TRMT9B: variants seen among roughly 807,000 people sequenced by gnomAD.
TRMT9B encodes the protein tRNA methyltransferase 9B (putative), also known as probable tRNA methyltransferase 9B.
A neutral mutation model predicts 11.5 loss-of-function variants in TRMT9B; 16 were observed. The ratio of observed to expected loss-of-function variants is 1.39; its 90% confidence interval spans 0.94 to 2.11. The LOEUF is 2.11. Among genes scored for constraint, TRMT9B ranks in the 30% most tolerant of loss-of-function variants. TRMT9B has a pLI of 0.00. For synonymous variants in TRMT9B, 274 were observed against 192.4 expected, an observed-to-expected ratio of 1.42 and a Z score of -3.51; for missense variants, 941 against 553.8, an observed-to-expected ratio of 1.70 and a Z score of -7.02.
rs539670834 is a variant in TRMT9B, at chr8:13,013,856, G to C, written c.328+999G>C. Among the ~76,000 whole-genome samples, 10 of 152,266 alleles carry C rather than the reference G, an allele frequency of 6.6e-5. No homozygotes were observed. The South Asian group carries it at 2.1e-3, about 32-fold the overall frequency. The stretch of plus-strand genomic sequence containing the variant: ...CCCAGCTACTCAGGAGGCTGAGGCA[G>C]GAGAATCGCTTGAACCTGGAAGGCG... On this transcript the variant is annotated intron_variant, in intron 4 of 4. Coordinates refer to ENST00000524591, the MANE Select transcript of TRMT9B (RefSeq NM_020844.3).
Position 13,028,428 on chromosome 8 carries a change from A to G in TRMT9B, c.*6384A>G, listed in dbSNP as rs1814957352. ...ACATGGAATATTGATTTTTCTATGA[A>G]TATTACCTCCACATTGAAAAACGAG... On this transcript the variant is annotated 3_prime_UTR_variant, in exon 5 of 5. Transcript: ENST00000524591. 6.0e-6 allele frequency: 1 copy of G among 167,084 alleles called. No individual in the cohort carries two copies. Among genetic ancestry groups the G allele is most frequent in the African/African-American group, 2.4e-5 (1 of 41,450 alleles). The allele number at this position is 167,084 out of a possible 1,614,324, so 10.4% of individuals were successfully genotyped here.
chr8:12,974,017 TTTA>T, intron 1 of TRMT9B, among the ~76,000 whole-genome samples: 1 of 152,048 alleles, frequency 6.6e-6, no homozygotes, highest in East Asian at 1.9e-4. Flanking sequence ...AAATTTTTTT[TTTA>T]AAAAGCTAGG....
rs1006680496 is a variant in TRMT9B at position 13,023,466 on chromosome 8, C to T, written c.*1422C>T. The stretch of plus-strand genomic sequence containing the variant: ...CTGATTACAGGTTGAATTTCTGTCA[C>T]TTTGTAGAGAAACGAATAGACTGGA... On this transcript the variant is annotated 3_prime_UTR_variant, in exon 5 of 5. Coordinates refer to ENST00000524591, the MANE Select transcript of TRMT9B (RefSeq NM_020844.3). 4 of 167,032 alleles carry T rather than the reference C, an allele frequency of 2.4e-5. No individual in the cohort carries two copies. The highest frequency in any genetic ancestry group is 1.5e-5 in the Non-Finnish European group (1 of 68,118). The allele number at this position is 167,032 out of a possible 1,614,324, so 10.3% of individuals were successfully genotyped here. A position where few individuals can be genotyped will look rare whatever the true frequency, so the allele number is the denominator to read the frequency against.
chr8:12,969,073 C>A (rs2977120), intron 1 of TRMT9B, among the ~76,000 whole-genome samples: 1 of 151,876 alleles, frequency 6.6e-6, no homozygotes, highest in African/African-American at 2.4e-5. Context: ...ATTGGCCGGG[C>A]GTGGTAGCAT....
chr8:12,952,125 C>T (rs1280343464), intron 1 of TRMT9B: 1 of 444,898 alleles, frequency 2.2e-6, no homozygotes, highest in South Asian at 1.6e-5. Flanking sequence ...AGCTTTTGCC[C>T]CTGGCTGCGG....
chr8:12,966,289 G>A (rs559383430), intron 1 of TRMT9B, among the ~76,000 whole-genome samples: 2 of 152,160 alleles, frequency 1.3e-5, no homozygotes, highest in East Asian at 3.9e-4. Flanking sequence ...CAGGGTGTGG[G>A]CGGGGGGAAG....
At chr8:12,996,097 C>T (rs76051885) in intron 2 of TRMT9B, among the ~76,000 whole-genome samples, 2,898 of 152,262 alleles carry the variant, frequency 0.019, 33 homozygotes, top group South Asian at 0.032. Flanking sequence ...ATGTAGCCTC[C>T]TTCCTGGACC....
chr8:13,012,846 T>A lies in TRMT9B; in HGVS notation c.317T>A (p.Ile106Asn). 1 of 1,613,806 alleles carries A rather than the reference T, an allele frequency of 6.2e-7. No individual in the cohort carries two copies. Among genetic ancestry groups the A allele is most frequent in the Non-Finnish European group, 8.5e-7 (1 of 1,179,834 alleles). ...AGGGATGAGGGCTTCGATGCCATCA[T>A]CTCCATAGGAGGTAAGGCAGCCAGA... is the stretch of plus-strand genomic sequence containing the variant. Reference protein sequence around the residue: ...PFRDEGFDAIISIGVIHHFST... With the variant: ...PFRDEGFDAINSIGVIHHFST... The change falls in exon 4 of 5, where the codon ATC (isoleucine) becomes AAC (asparagine). Residue 106 changes from isoleucine to asparagine, a missense_variant. Physicochemically the swap from Ile to Asn is moderately radical, Grantham distance 149 (BLOSUM62 -3). Transcript: ENST00000524591.
chr8:12,987,161 C>A (rs975978345), intron 1 of TRMT9B, among the ~76,000 whole-genome samples: 1 of 152,178 alleles, frequency 6.6e-6, no homozygotes, highest in Admixed American at 6.5e-5. Flanking sequence ...GGTTCAAATC[C>A]TGGCTCTGCC....
chr8:13,002,492 G>C (rs551135132), intron 2 of TRMT9B, among the ~76,000 whole-genome samples: 1 of 152,292 alleles, frequency 6.6e-6, no homozygotes, highest in African/African-American at 2.4e-5. Flanking sequence ...AACATAAGCT[G>C]TTTCAATTTG....
chr8:12,974,619 G>A (rs987152485), intron 1 of TRMT9B, among the ~76,000 whole-genome samples: 1 of 152,158 alleles, frequency 6.6e-6, no homozygotes, highest in African/African-American at 2.4e-5. Context: ...GATGAAGGCT[G>A]GAAGCAAAAC....
At chr8:13,016,386 A>T (rs1812709686) in intron 4 of TRMT9B, among the ~76,000 whole-genome samples, 1 of 147,142 alleles carries the variant, frequency 6.8e-6, no homozygotes, top group Admixed American at 6.8e-5. Context: ...ATATATATAA[A>T]TATATAAATA....
At chr8:12,981,141 A>T (rs535782269) in intron 1 of TRMT9B, among the ~76,000 whole-genome samples, 70 of 145,122 alleles carry the variant, frequency 4.8e-4, no homozygotes, top group Non-Finnish European at 7.3e-4. Context: ...TTGATTTAGA[A>T]AAGGAGCTTG....
At chr8:13,018,096 C>CT (rs956270576) in intron 4 of TRMT9B, among the ~76,000 whole-genome samples, 2 of 50,682 alleles carry the variant, frequency 3.9e-5, no homozygotes, top group African/African-American at 1.6e-4. Flanking sequence ...TAAGGACTTT[C>CT]TTAAAAAAAA....
intron 2 of TRMT9B, among the ~76,000 whole-genome samples, chr8:12,997,522 C>T (rs942152040): frequency 2.0e-5 from 3 of 152,150 alleles, no homozygotes; most frequent in Non-Finnish European, 4.4e-5. Context: ...TTTACAGCAA[C>T]ACGAAATGGA....
intron 2 of TRMT9B, among the ~76,000 whole-genome samples, chr8:12,996,544 A>G (rs1350808705): frequency 6.6e-6 from 1 of 152,186 alleles, no homozygotes; most frequent in African/African-American, 2.4e-5. Flanking sequence ...GAACCCAGTG[A>G]TCTCCAATTT....
intron 2 of TRMT9B, among the ~76,000 whole-genome samples, chr8:13,005,003 G>A (rs546306669): frequency 9.9e-5 from 15 of 151,730 alleles, no homozygotes; most frequent in Middle Eastern, 3.4e-3. Flanking sequence ...CCCACGGCCT[G>A]GGGGAACTTG....
intron 1 of TRMT9B, among the ~76,000 whole-genome samples, chr8:12,987,169 G>A (rs1028821363): frequency 2.0e-5 from 3 of 152,164 alleles, no homozygotes; most frequent in African/African-American, 7.2e-5. Context: ...TCCTGGCTCT[G>A]CCACTTACTA....
At chr8:12,946,592 G>A (rs2977097) in intron 1 of TRMT9B, among the ~76,000 whole-genome samples, 45,751 of 152,034 alleles carry the variant, frequency 0.3, 7,204 homozygotes, top group East Asian at 0.52. Flanking sequence ...CAAGATGAGA[G>A]CATGGGATCT....
Sources: allele counts gnomAD v4.1 joint callset (sites outside exome capture counted in the v4.1 genomes callset), GRCh38; gene constraint gnomAD v4.1.1; transcripts MANE v1.5; gene names NCBI Gene and HGNC (gene_info 2026-07-23, HGNC 2026-07-21).